Variants in CDK14 observed in about 807,000 individuals in gnomAD.
CDK14 encodes cyclin-dependent kinase 14.
Under a neutral mutation model 60.7 loss-of-function variants are expected in CDK14, and 34 were observed. That is an observed-to-expected ratio of 0.56 (90% CI 0.43 to 0.75). The LOEUF (loss-of-function observed/expected upper bound fraction) is 0.75, where lower values mean the gene tolerates loss of function less well. Among genes scored for constraint, CDK14 ranks in the 30% least tolerant of loss-of-function variants. The pLI, the probability that CDK14 is intolerant of heterozygous loss-of-function variation, is 0.00. For missense variants in CDK14, 482 were observed against 564.1 expected, an observed-to-expected ratio of 0.85 and a Z score of 1.47; for synonymous variants, 197 against 203.7, an observed-to-expected ratio of 0.97 and a Z score of 0.28.
chr7:91,019,553 G>A (rs796337333), intron 10 of CDK14, among the ~76,000 whole-genome samples: 1 of 152,174 alleles, frequency 6.6e-6, no homozygotes, highest in African/African-American at 2.4e-5. Flanking sequence ...CTTGGCTATT[G>A]AACTTCTGGC....
At chr7:90,641,955 A>C (rs928698158) in intron 2 of CDK14, among the ~76,000 whole-genome samples, 2 of 152,156 alleles carry the variant, frequency 1.3e-5, no homozygotes, top group African/African-American at 4.8e-5. Context: ...GAAAACTCCC[A>C]TTTTTAAAAC....
rs1470690916 is a variant in CDK14, at chr7:90,649,386, CTTCCTTCCTTCTTTCT to C, written c.123+45141_123+45156del. Reference sequence around the variant, plus strand: ...CTTCCTTTCCTTCCTTCCTTCCTTCCTTCCTTCCTTCTTTCTTTCTTTCTTTCTTTCTTTCCTTCTT... The same window carrying C: ...CTTCCTTTCCTTCCTTCCTTCCTTCCTTCTTTCTTTCTTTCTTTCCTTCTT... On this transcript the variant is annotated intron_variant, in intron 2 of 14. Transcript: ENST00000380050. Among the ~76,000 whole-genome samples, 49 of 65,450 alleles carry C rather than the reference CTTCCTTCCTTCTTTCT, an allele frequency of 7.5e-4. 7 individuals are homozygous for C. Among genetic ancestry groups the C allele is most frequent in the South Asian group, 2.0e-3 (3 of 1,526 alleles). 42.9% of individuals were successfully genotyped at this position (65,450 alleles called of 152,430 possible). A position where few individuals can be genotyped will look rare whatever the true frequency, so the allele number is the denominator to read the frequency against.
intron 6 of CDK14, among the ~76,000 whole-genome samples, chr7:90,889,057 T>C (rs1473557782): frequency 1.3e-5 from 2 of 152,246 alleles, no homozygotes; most frequent in African/African-American, 2.4e-5. Context: ...TTTTTCTTAA[T>C]TTTTTGAAAC....
intron 10 of CDK14, among the ~76,000 whole-genome samples, chr7:91,009,123 T>C (rs1253869196): frequency 6.6e-6 from 1 of 152,172 alleles, no homozygotes; most frequent in Non-Finnish European, 1.5e-5. Context: ...GTTATCTACT[T>C]TTGATTTTTG....
At chr7:91,113,025 G>A (rs534230062) in intron 13 of CDK14, among the ~76,000 whole-genome samples, 2 of 152,216 alleles carry the variant, frequency 1.3e-5, no homozygotes, top group South Asian at 4.1e-4. Context: ...TTGATTATGT[G>A]TGTGTCCAAA....
At chr7:90,646,529 A>T (rs1034145952) in intron 2 of CDK14, among the ~76,000 whole-genome samples, 5 of 152,294 alleles carry the variant, frequency 3.3e-5, no homozygotes, top group Middle Eastern at 3.4e-3. Flanking sequence ...CAAACAAAAG[A>T]GCATAAAATA....
intron 14 of CDK14, among the ~76,000 whole-genome samples, chr7:91,156,550 C>G (rs935610727): frequency 1.3e-5 from 2 of 152,018 alleles, no homozygotes; most frequent in African/African-American, 4.8e-5. Context: ...GATGAGTTAT[C>G]GGAACTGAAA....
intron 14 of CDK14, among the ~76,000 whole-genome samples, chr7:91,179,540 C>T (rs776194341): frequency 4.6e-5 from 7 of 151,364 alleles, no homozygotes; most frequent in Non-Finnish European, 8.8e-5. Context: ...CAGTGACTCA[C>T]GCCTGTAATC....
chr7:90,614,836 AATTT>A (rs1465016279), intron 2 of CDK14, among the ~76,000 whole-genome samples: 1 of 151,974 alleles, frequency 6.6e-6, no homozygotes, highest in Non-Finnish European at 1.5e-5. Context: ...AAAATTAATT[AATTT>A]ATTTATTTAT....
intron 14 of CDK14, among the ~76,000 whole-genome samples, chr7:91,168,958 A>T (rs1457516899): frequency 6.6e-6 from 1 of 152,176 alleles, no homozygotes; most frequent in East Asian, 1.9e-4. Flanking sequence ...CATCTGCTTC[A>T]TACACATCTG....
chr7:91,203,915 C>T (rs1802801573), intron 14 of CDK14, among the ~76,000 whole-genome samples: 2 of 152,120 alleles, frequency 1.3e-5, no homozygotes, highest in Admixed American at 6.5e-5. Flanking sequence ...CATGGAGCAG[C>T]ATGTAGAGCA....
intron 10 of CDK14, among the ~76,000 whole-genome samples, chr7:91,030,747 T>C (rs1187973834): frequency 6.6e-6 from 1 of 152,196 alleles, no homozygotes; most frequent in Non-Finnish European, 1.5e-5. Context: ...TGACCATCCC[T>C]CACTCCTTCC....
intron 4 of CDK14, among the ~76,000 whole-genome samples, chr7:90,788,419 G>C (rs889720573): frequency 6.6e-6 from 1 of 152,140 alleles, no homozygotes; most frequent in African/African-American, 2.4e-5. Context: ...CTGCATCTGG[G>C]TACCTAGAGC....
chr7:91,201,384 A>C (rs991983507), intron 14 of CDK14, among the ~76,000 whole-genome samples: 1 of 152,194 alleles, frequency 6.6e-6, no homozygotes, highest in Non-Finnish European at 1.5e-5. Context: ...CCTGTTCACA[A>C]TTTAGGCGAT....
intron 10 of CDK14, among the ~76,000 whole-genome samples, chr7:91,014,266 G>A (rs572644109): frequency 6.6e-6 from 1 of 152,226 alleles, no homozygotes; most frequent in East Asian, 1.9e-4. Context: ...TTTATATTAA[G>A]CTGTGCACTA....
intron 11 of CDK14, among the ~76,000 whole-genome samples, chr7:91,075,288 T>C (rs1026069735): frequency 6.6e-6 from 1 of 150,960 alleles, no homozygotes; most frequent in Non-Finnish European, 1.5e-5. Context: ...AAAAGCTTCA[T>C]CCCCAGGATG....
rs528202053 is a variant in CDK14 at position 90,672,793 on chromosome 7, C to G, written c.124-53774C>G. On this transcript the variant is annotated intron_variant, in intron 2 of 14. Transcript: ENST00000380050. The stretch of plus-strand genomic sequence containing the variant: ...TCAGCCTCCTAAAGTGCTGGGATTA[C>G]AGGCCTGAGCCACCTCGCCTGGGTC... 7.9e-5 allele frequency among the ~76,000 whole-genome samples: 12 copies of G among 152,158 alleles called. 1 individual carries two copies. In the South Asian group the frequency reaches 2.5e-3, roughly 32 times the overall value.
intron 2 of CDK14, chr7:90,709,708 T>A: frequency 6.7e-7 from 1 of 1,490,352 alleles, no homozygotes; most frequent in Non-Finnish European, 9.0e-7. Flanking sequence ...GTCCTTTGAG[T>A]TCTTCTCAAC....
chr7:90,844,810 A>C (rs904939950), intron 5 of CDK14, among the ~76,000 whole-genome samples: 3 of 152,192 alleles, frequency 2.0e-5, no homozygotes, highest in Non-Finnish European at 4.4e-5. Context: ...GGTTTAAACA[A>C]ATATACAAAC....
Sources: allele counts gnomAD v4.1 joint callset (sites outside exome capture counted in the v4.1 genomes callset), GRCh38; gene constraint gnomAD v4.1.1; transcripts MANE v1.5; gene names NCBI Gene and HGNC (gene_info 2026-07-23, HGNC 2026-07-21).